KYNU: variants seen among roughly 807,000 people sequenced by gnomAD.
KYNU encodes kynureninase.
Under a neutral mutation model 59.2 loss-of-function variants are expected in KYNU, and 54 were observed. The ratio of observed to expected loss-of-function variants is 0.91; its 90% CI spans 0.73 to 1.14. The LOEUF is 1.14. KYNU is among the 50% of genes most tolerant of loss of function. KYNU has a pLI of 0.00. For synonymous variants in KYNU, 177 were observed against 192.0 expected (o/e 0.92, Z 0.65); for missense variants, 567 against 554.4 (o/e 1.02, Z -0.23).
At chr2:143,026,018 AGAG>A (rs1418143994) in intron 10 of KYNU, among the ~76,000 whole-genome samples, 5 of 152,226 alleles carry the variant, frequency 3.3e-5, no homozygotes, top group Admixed American at 1.3e-4. Flanking sequence ...GGACTAATAA[AGAG>A]GAGTTAAAAT....
intron 13 of KYNU, among the ~76,000 whole-genome samples, 189 bp from the exon 14 acceptor site, chr2:143,041,858 T>G (rs1339089850): frequency 6.6e-6 from 1 of 151,982 alleles, no homozygotes; most frequent in Non-Finnish European, 1.5e-5. Context: ...TTCTTATTTC[T>G]TAAATTATTA....
chr2:143,010,199 C>T (rs1223776367), intron 10 of KYNU, among the ~76,000 whole-genome samples: 1 of 121,444 alleles, frequency 8.2e-6, no homozygotes, highest in Admixed American at 8.4e-5. Context: ...AGCTGATAAG[C>T]AACTTCAGCA....
intron 8 of KYNU, chr2:142,964,703 G>T (rs1453509263): frequency 6.6e-6 from 1 of 152,102 alleles, no homozygotes; most frequent in Non-Finnish European, 1.5e-5. Flanking sequence ...GATTTCAAGT[G>T]GTCATCAAAG....
rs77280293 is a variant in KYNU, at chr2:142,954,791, C to G, written c.374-19C>G. On this transcript the variant is annotated intron_variant, in intron 4 of 13. Coordinates refer to ENST00000264170, the MANE Select transcript of KYNU (RefSeq NM_003937.3). ...AGACATAGTACAAACATCTAAATTA[C>G]GATATGTTTATTTTACAGGAGCCAA... 6.6e-7 allele frequency: 1 copy of G among 1,525,240 alleles called. No individual in the cohort carries two copies. The highest frequency in any genetic ancestry group is 9.1e-7 in the Non-Finnish European group (1 of 1,099,630). 94.5% of individuals were successfully genotyped at this position (1,525,240 alleles called of 1,614,324 possible).
At chr2:142,985,685 T>C (rs529604379) in intron 9 of KYNU, among the ~76,000 whole-genome samples, 3 of 152,050 alleles carry the variant, frequency 2.0e-5, no homozygotes, top group African/African-American at 7.2e-5. Flanking sequence ...CCAGATCTCA[T>C]TAAAACTGCT....
chr2:143,032,711 T>TTGTG lies in KYNU; in HGVS notation c.956-497_956-494dup, dbSNP rs61062901. 2.2e-3 allele frequency among the ~76,000 whole-genome samples: 288 copies of TTGTG among 129,446 alleles called. 3 individuals carry two copies. The highest frequency in any genetic ancestry group is 7.7e-3 in the African/African-American group (266 of 34,488). 84.9% of individuals were successfully genotyped at this position (129,446 alleles called of 152,430 possible). On this transcript the variant is annotated intron_variant, in intron 11 of 13. Transcript: ENST00000264170. ...GATCTTTTTTTTAAAGCTCCCTCTATTGTGTGTGTGTGTGTGTGTGTGTGT... is the reference window on the plus strand; with the variant it reads ...GATCTTTTTTTTAAAGCTCCCTCTATTGTGTGTGTGTGTGTGTGTGTGTGTGTGT...
At chr2:143,040,151 G>T (rs531423541) in intron 12 of KYNU, among the ~76,000 whole-genome samples, 1 of 152,054 alleles carries the variant, frequency 6.6e-6, no homozygotes, top group South Asian at 2.1e-4. Context: ...AACCTGGCCT[G>T]CCACAGGTAC....
At chr2:142,960,816 C>G (rs780256712) in intron 8 of KYNU, 46 bp downstream of exon 8, 2 of 1,589,672 alleles carry the variant, frequency 1.3e-6, no homozygotes, top group Non-Finnish European at 1.7e-6. Context: ...AAACATCACT[C>G]TACTTAAGAG....
intron 10 of KYNU, among the ~76,000 whole-genome samples, chr2:143,012,109 G>A (rs1239230850): frequency 1.3e-5 from 2 of 151,672 alleles, no homozygotes; most frequent in African/African-American, 2.4e-5. Flanking sequence ...CAAAGCGGAG[G>A]GTGTCCCCAA....
At position 143,053,450 on chromosome 2, in the gene KYNU, A is replaced by C. The variant is rs1687301500; in HGVS notation, c.*11278A>C. 6.6e-6 allele frequency: 1 copy of C among 152,208 alleles called. No homozygotes were observed. Among genetic ancestry groups the C allele is most frequent in the East Asian group, 1.9e-4 (1 of 5,190 alleles). 9.4% of individuals were successfully genotyped at this position (152,208 alleles called of 1,614,324 possible). The stretch of plus-strand genomic sequence containing the variant: ...ACATGATTGGTTTTGAAATGTGAGA[A>C]CATTTAAGAGGGGCCAGGGGCAGAA... On this transcript the variant is annotated 3_prime_UTR_variant, in exon 14 of 14. Coordinates refer to ENST00000264170, the MANE Select transcript of KYNU (RefSeq NM_003937.3).
At chr2:143,037,424 A>G (rs1290867448) in intron 12 of KYNU, among the ~76,000 whole-genome samples, 2 of 152,226 alleles carry the variant, frequency 1.3e-5, no homozygotes, top group Non-Finnish European at 2.9e-5. Flanking sequence ...CTGAATTCAT[A>G]ATGAAATAAA....
Position 143,042,337 on chromosome 2 carries a change from G to C in KYNU, c.*165G>C, listed in dbSNP as rs541099020. On this transcript the variant is annotated 3_prime_UTR_variant, in exon 14 of 14. Coordinates refer to ENST00000264170, the MANE Select transcript of KYNU (RefSeq NM_003937.3). ...TCTGATATAATTTTTCAGAGTCTGT[G>C]GCACTAAGGAGTCCACAGGGCTGCC... The C allele has an allele frequency of 9.4e-6, 7 of 744,958 alleles. No homozygotes were observed. In the Admixed American group the frequency reaches 1.9e-4, roughly 20 times the overall value. The allele number at this position is 744,958 out of a possible 1,614,324, so 46.1% of individuals were successfully genotyped here. A position where few individuals can be genotyped will look rare whatever the true frequency, so the allele number is the denominator to read the frequency against.
intron 2 of KYNU, among the ~76,000 whole-genome samples, chr2:142,913,941 G>A (rs10184008): frequency 0.028 from 4,281 of 152,306 alleles, 125 homozygotes; most frequent in East Asian, 0.072. Flanking sequence ...TTATCATTAT[G>A]TATTGCCCTT....
chr2:143,007,039 G>T (rs372357438), intron 10 of KYNU, among the ~76,000 whole-genome samples: 1 of 152,186 alleles, frequency 6.6e-6, no homozygotes, highest in South Asian at 2.1e-4. Context: ...CACCAGCAAC[G>T]GAACAAAGCT....
chr2:143,004,531 T>A (rs420328), intron 10 of KYNU, among the ~76,000 whole-genome samples: 18,714 of 152,006 alleles, frequency 0.12, 1,293 homozygotes, highest in East Asian at 0.25. Flanking sequence ...GCCAACATGA[T>A]GAAAACCCGT....
At chr2:143,006,888 A>G (rs1199139942) in intron 10 of KYNU, among the ~76,000 whole-genome samples, 1 of 152,096 alleles carries the variant, frequency 6.6e-6, no homozygotes, top group South Asian at 2.1e-4. Flanking sequence ...AAGGACATCC[A>G]CACCAAAAAC....
chr2:143,039,412 T>C (rs1181975106), intron 12 of KYNU, among the ~76,000 whole-genome samples: 1 of 152,138 alleles, frequency 6.6e-6, no homozygotes, highest in Non-Finnish European at 1.5e-5. Flanking sequence ...GTCTTCTTGA[T>C]TATGATTTCA....
chr2:142,912,703 CTTTTTTT>C (rs1163302368), intron 2 of KYNU, among the ~76,000 whole-genome samples: 22 of 71,870 alleles, frequency 3.1e-4, no homozygotes, highest in Admixed American at 2.4e-3. Flanking sequence ...TTCTTTCTTC[CTTTTTTT>C]TTTTTTTTTT....
chr2:143,005,046 C>G (rs1405923374), intron 10 of KYNU, among the ~76,000 whole-genome samples: 3 of 152,182 alleles, frequency 2.0e-5, no homozygotes, highest in Non-Finnish European at 4.4e-5. Flanking sequence ...AAGAGTGAGG[C>G]TTCCTGATAA....
Sources: allele counts gnomAD v4.1 joint callset (sites outside exome capture counted in the v4.1 genomes callset), GRCh38; gene constraint gnomAD v4.1.1; transcripts MANE v1.5; gene names NCBI Gene and HGNC (gene_info 2026-07-23, HGNC 2026-07-21).